The following CA5A variants were observed in gnomAD, a reference collection of about 807,000 sequenced individuals.
The protein encoded by CA5A is carbonic anhydrase 5A, also known as carbonic anhydrase 5A, mitochondrial.
Under a neutral mutation model 37.1 loss-of-function variants are expected in CA5A, and 28 were observed. The ratio of observed to expected loss-of-function variants is 0.75; its 90% CI spans 0.56 to 1.03. The LOEUF (loss-of-function observed/expected upper bound fraction) is 1.03, where lower values mean the gene tolerates loss of function less well. CA5A is among the 50% of genes least tolerant of loss of function. CA5A has a pLI of 0.00. For synonymous variants in CA5A, 171 were observed against 158.4 expected (o/e 1.08, Z -0.60); for missense variants, 444 against 399.9 (o/e 1.11, Z -0.94).
In CA5A at chr16:87,916,040, A is replaced by G. The variant is rs2056136831; in HGVS notation, c.340+10708T>C. 2.0e-5 allele frequency among the ~76,000 whole-genome samples: 3 copies of G among 151,842 alleles called. 1 individual carries two copies. The South Asian group carries it at 6.3e-4, about 32-fold the overall frequency. ...GGGGCAGCCAAGAGACAGAATGAGA[A>G]CCAAGCAAAAGGGGTTACTCGGGAG... On this transcript the variant is annotated intron_variant, in intron 2 of 6. Transcript: ENST00000649794.
intron 2 of CA5A, among the ~76,000 whole-genome samples, chr16:87,913,518 G>C (rs1043365085): frequency 2.0e-5 from 3 of 152,120 alleles, no homozygotes; most frequent in African/African-American, 7.2e-5. Context: ...GTGGTGGGCT[G>C]TTTTGCGTGT....
At chr16:87,881,624 C>A (rs2055608378) in exon 5 of CA5A, 1 of 152,210 alleles carries the variant, frequency 6.6e-6, no homozygotes, top group Non-Finnish European at 1.5e-5. Context: ...ACCTTAAAAG[C>A]TGGGCCAGAA....
intron 5 of CA5A, among the ~76,000 whole-genome samples, chr16:87,897,432 A>G (rs559934091): frequency 3.3e-5 from 5 of 149,710 alleles, no homozygotes; most frequent in South Asian, 4.3e-4. Flanking sequence ...CCAGGACCAC[A>G]CTGGGGCTGT....
intron 1 of CA5A, 87 bp from the exon 2 acceptor site, chr16:87,927,032 G>T: frequency 1.1e-6 from 1 of 920,494 alleles, no homozygotes; most frequent in Non-Finnish European, 1.7e-6. Flanking sequence ...GGCCGCACGA[G>T]ACCCCTCACG....
chr16:87,890,502 G>T (rs2055697427), intron 6 of CA5A, among the ~76,000 whole-genome samples: 1 of 152,242 alleles, frequency 6.6e-6, no homozygotes, highest in Admixed American at 6.5e-5. Flanking sequence ...ACGTCTGCCG[G>T]GCGGGGGCGG....
intron 2 of CA5A, among the ~76,000 whole-genome samples, chr16:87,926,398 T>G (rs775287144): frequency 6.6e-6 from 1 of 152,092 alleles, no homozygotes; most frequent in African/African-American, 2.4e-5. Flanking sequence ...GCCTTCTGAG[T>G]TCCTCTTCCG....
At position 87,911,666 on chromosome 16, in the gene CA5A, T is replaced by C. The variant is rs12933820; in HGVS notation, c.341-6762A>G. Reference sequence around the variant, plus strand: ...CCAGGCAGGCAGGGGCCGCAGCCACTGCAAGCCCCTGCCCACAGAACTCCG... The same window carrying C: ...CCAGGCAGGCAGGGGCCGCAGCCACCGCAAGCCCCTGCCCACAGAACTCCG... On this transcript the variant is annotated intron_variant, in intron 2 of 6. Transcript: ENST00000649794. This position sits in a 1 kb window ranked among gnomAD's most constrained non-coding sequence, Gnocchi z 4.6. Among the ~76,000 whole-genome samples the C allele has an allele frequency of 0.13, 20,484 of 152,166 alleles. 1,770 individuals carry two copies. Among genetic ancestry groups the C allele is most frequent in the South Asian group, 0.23 (1,131 of 4,826 alleles).
intron 5 of CA5A, chr16:87,893,191 G>C (rs963401176): frequency 9.5e-6 from 4 of 422,656 alleles, no homozygotes; most frequent in Non-Finnish European, 1.3e-5. Context: ...GCAGTGGTGC[G>C]ATCTCAGCTC....
intron 2 of CA5A, among the ~76,000 whole-genome samples, chr16:87,905,264 A>G (rs1184248925): frequency 6.6e-6 from 1 of 152,262 alleles, no homozygotes; most frequent in Non-Finnish European, 1.5e-5. Flanking sequence ...TAATTAAAAA[A>G]AAAGGTGTCT....
At position 87,916,248 on chromosome 16, in the gene CA5A, A is replaced by T. The variant is rs1222021626; in HGVS notation, c.340+10500T>A. 2.0e-5 allele frequency among the ~76,000 whole-genome samples: 3 copies of T among 151,688 alleles called. No homozygotes were observed. In the South Asian group the frequency reaches 6.2e-4, roughly 32 times the overall value. ...ATAATCCCAGCACTTTGGGAGGCTG[A>T]GGTGGGTGGATAGCTTGAGGTTGGG... On this transcript the variant is annotated intron_variant, in intron 2 of 6. Transcript: ENST00000649794.
chr16:87,928,128 C>G (rs1567537389), intron 1 of CA5A, among the ~76,000 whole-genome samples: 1 of 152,134 alleles, frequency 6.6e-6, no homozygotes, highest in African/African-American at 2.4e-5. Context: ...CCTGTCCTCA[C>G]CTTCACAGGC....
chr16:87,898,965 C>T lies in CA5A; in HGVS notation c.618+2947G>A, dbSNP rs1017302097. On this transcript the variant is annotated intron_variant, in intron 5 of 6. Transcript: ENST00000649794. ...GGCCAGGCTGGTCTTGAACTCCTGA[C>T]CTCAGGTGATCTATTCACCTCAGTC... 1.6e-4 allele frequency among the ~76,000 whole-genome samples: 25 copies of T among 152,168 alleles called. 1 individual carries two copies. Among genetic ancestry groups the T allele is most frequent in the Middle Eastern group, 6.8e-3 (2 of 294 alleles).
At chr16:87,929,729 G>A (rs565300663) in intron 1 of CA5A, among the ~76,000 whole-genome samples, 22 of 150,888 alleles carry the variant, frequency 1.5e-4, no homozygotes, top group South Asian at 1.1e-3. Context: ...AAAATTAGCC[G>A]GGCGTGGTGG....
At chr16:87,935,564 A>G (rs896358566) in intron 1 of CA5A, among the ~76,000 whole-genome samples, 1 of 152,138 alleles carries the variant, frequency 6.6e-6, no homozygotes, top group Non-Finnish European at 1.5e-5. Flanking sequence ...GATTCACCCA[A>G]GGTCACCAAA....
chr16:87,913,758 C>T lies in CA5A; in HGVS notation c.341-8854G>A, dbSNP rs980715678. On this transcript the variant is annotated intron_variant, in intron 2 of 6. Transcript: ENST00000649794. ...CACCTCCCAGTGACTGACTCGTCCC[C>T]GGTCTTGCACACACCTGGGGAGCGT... is the stretch of plus-strand genomic sequence containing the variant. 4.6e-5 allele frequency among the ~76,000 whole-genome samples: 7 copies of T among 152,080 alleles called. No individual in the cohort carries two copies. The South Asian group carries it at 6.2e-4, about 14-fold the overall frequency.
chr16:87,907,877 G>A (rs988472854), intron 2 of CA5A, among the ~76,000 whole-genome samples: 1 of 152,236 alleles, frequency 6.6e-6, no homozygotes, highest in Non-Finnish European at 1.5e-5. Context: ...AGTGAGCCGA[G>A]ATAGCGCCAC....
At chr16:87,886,803 A>C (rs1372652657), downstream of CA5A, 3 of 152,194 alleles carry the variant, frequency 2.0e-5, no homozygotes, top group African/African-American at 7.2e-5. Flanking sequence ...AGGGATCACA[A>C]ATGTGTGGAA....
chr16:87,899,137 A>G lies in CA5A; in HGVS notation c.618+2775T>C, dbSNP rs546617709. Reference sequence around the variant, plus strand: ...TCTGGGCTCTGAACCCAGGAGTCCAACTGTGGGGCTCTCTGATACACTGTG... The same window carrying G: ...TCTGGGCTCTGAACCCAGGAGTCCAGCTGTGGGGCTCTCTGATACACTGTG... On this transcript the variant is annotated intron_variant, in intron 5 of 6. Transcript: ENST00000649794. Among the ~76,000 whole-genome samples the G allele has an allele frequency of 2.6e-5, 4 of 152,186 alleles. No individual in the cohort carries two copies. The South Asian group carries it at 8.3e-4, about 32-fold the overall frequency.
chr16:87,927,413 C>G (rs1340555965), intron 1 of CA5A, among the ~76,000 whole-genome samples: 1 of 152,192 alleles, frequency 6.6e-6, no homozygotes, highest in African/African-American at 2.4e-5. Flanking sequence ...ACTGGAGCTG[C>G]TTTGGAAGCC....
Sources: allele counts gnomAD v4.1 joint callset (sites outside exome capture counted in the v4.1 genomes callset), GRCh38; gene constraint gnomAD v4.1.1; non-coding constraint Gnocchi (gnomAD v3.1); transcripts MANE v1.5; gene names NCBI Gene and HGNC (gene_info 2026-07-23, HGNC 2026-07-21).